The following PPP6R3 variants were observed in gnomAD, a reference collection of about 807,000 sequenced individuals.
PPP6R3 encodes serine/threonine-protein phosphatase 6 regulatory subunit 3.
A neutral mutation model predicts 110.7 loss-of-function variants in PPP6R3; 38 were observed. That is an observed-to-expected ratio of 0.34 (90% confidence interval 0.26 to 0.45). The LOEUF is 0.45. PPP6R3 is among the 20% of genes least tolerant of loss of function. The pLI is 1.00. For synonymous variants in PPP6R3, 369 were observed against 373.5 expected (o/e 0.99, Z 0.14); for missense variants, 870 against 1,062.4 (o/e 0.82, Z 2.52).
At chr11:68,462,623 T>C (rs2098716217) in intron 1 of PPP6R3, among the ~76,000 whole-genome samples, 1 of 152,198 alleles carries the variant, frequency 6.6e-6, no homozygotes, top group Non-Finnish European at 1.5e-5. Flanking sequence ...GAAATAGCTT[T>C]TGTCCTGGAG....
At chr11:68,605,194 G>A (rs144160719) in intron 22 of PPP6R3, among the ~76,000 whole-genome samples, 1,555 of 152,220 alleles carry the variant, frequency 0.01, 10 homozygotes, top group African/African-American at 0.012. Context: ...ACAAAAATTA[G>A]CTGAGTGTGG....
intron 18 of PPP6R3, among the ~76,000 whole-genome samples, chr11:68,594,850 G>C (rs1195489448): frequency 6.6e-5 from 10 of 152,200 alleles, no homozygotes; most frequent in African/African-American, 2.4e-4. Context: ...AAAACAGTAT[G>C]ATATGGGCAA....
chr11:68,528,986 G>A (rs928809834), intron 2 of PPP6R3, among the ~76,000 whole-genome samples: 1 of 152,136 alleles, frequency 6.6e-6, no homozygotes, highest in Admixed American at 6.6e-5. Context: ...TATAAACTCG[G>A]CCAGAGGTTC....
At chr11:68,582,007 C>T (rs1346463230) in intron 14 of PPP6R3, among the ~76,000 whole-genome samples, 5 of 151,930 alleles carry the variant, frequency 3.3e-5, no homozygotes, top group African/African-American at 1.2e-4. Context: ...CAAGACATAC[C>T]CTATACAGAC....
chr11:68,588,515 T>C (rs2099585744), intron 16 of PPP6R3, among the ~76,000 whole-genome samples: 1 of 151,968 alleles, frequency 6.6e-6, no homozygotes, highest in Non-Finnish European at 1.5e-5. Flanking sequence ...TGGAGTGCAG[T>C]GGCGCTATCT....
At chr11:68,556,511 GT>G (rs1405102128) in intron 7 of PPP6R3, among the ~76,000 whole-genome samples, 1 of 137,824 alleles carries the variant, frequency 7.3e-6, no homozygotes, top group East Asian at 2.2e-4. Flanking sequence ...GAGCCAGTTG[GT>G]TTTTTGTAAG....
rs144161046 is a variant in PPP6R3 at position 68,555,525 on chromosome 11, A to G, written c.731+1268A>G. Among the ~76,000 whole-genome samples the G allele has an allele frequency of 4.0e-3, 611 of 152,330 alleles. 3 individuals are homozygous for G. Among genetic ancestry groups the G allele is most frequent in the Non-Finnish European group, 7.1e-3 (483 of 68,028 alleles). ...GGTGCTTGATAGCCACATGTAGTGA[A>G]TGGCTCCCATAGTAGACAGTGCAGG... On this transcript the variant is annotated intron_variant, in intron 7 of 23. Transcript: ENST00000393800.
At chr11:68,596,244 G>C in intron 19 of PPP6R3, 26 bp downstream of exon 19, 1 of 1,613,952 alleles carries the variant, frequency 6.2e-7, no homozygotes, top group Non-Finnish European at 8.5e-7. Context: ...CTTCAGATCA[G>C]CTGCCCTGTG....
intron 1 of PPP6R3, among the ~76,000 whole-genome samples, chr11:68,500,015 T>C (rs2099039838): frequency 6.6e-6 from 1 of 152,190 alleles, no homozygotes; most frequent in Admixed American, 6.6e-5. Context: ...CTATTAAATC[T>C]TTTTTTCTTT....
At chr11:68,599,880 T>C (rs1172048422) in intron 19 of PPP6R3, among the ~76,000 whole-genome samples, 1 of 151,760 alleles carries the variant, frequency 6.6e-6, no homozygotes, top group East Asian at 1.9e-4. Context: ...TCCCAGCACT[T>C]TGGGAGGCCA....
intron 1 of PPP6R3, among the ~76,000 whole-genome samples, chr11:68,464,522 T>A (rs2098732353): frequency 6.6e-6 from 1 of 152,208 alleles, no homozygotes; most frequent in Non-Finnish European, 1.5e-5. Flanking sequence ...AGGGACTGTT[T>A]GTGAGTTAAG....
intron 14 of PPP6R3, 128 bp from the exon 15 acceptor site, chr11:68,582,915 G>A: frequency 1.3e-6 from 1 of 761,642 alleles, no homozygotes; most frequent in Non-Finnish European, 2.1e-6. Context: ...GCTTAACTGT[G>A]ACTGACTTTC....
intron 1 of PPP6R3, among the ~76,000 whole-genome samples, chr11:68,517,446 A>G (rs563145039): frequency 6.6e-6 from 1 of 152,278 alleles, no homozygotes; most frequent in African/African-American, 2.4e-5. Context: ...TTTAAATTAC[A>G]TCCCCCACTA....
intron 3 of PPP6R3, among the ~76,000 whole-genome samples, chr11:68,542,455 G>A (rs998503692): frequency 2.9e-5 from 4 of 136,872 alleles, no homozygotes; most frequent in Non-Finnish European, 3.1e-5. Context: ...GTGCAGTGGC[G>A]CAGTCACAGC....
At chr11:68,548,841 T>C (rs1434882486) in intron 5 of PPP6R3, among the ~76,000 whole-genome samples, 1 of 152,070 alleles carries the variant, frequency 6.6e-6, no homozygotes, top group Non-Finnish European at 1.5e-5. Flanking sequence ...AAATAAGGTT[T>C]CTCCCAGGCT....
chr11:68,464,883 CTT>C (rs35642999), intron 1 of PPP6R3, among the ~76,000 whole-genome samples: 6 of 140,108 alleles, frequency 4.3e-5, no homozygotes, highest in Non-Finnish European at 7.8e-5. Flanking sequence ...CCAGCTTCAA[CTT>C]TTTTTTTTTT....
At chr11:68,549,197 C>T (rs1195981890) in intron 5 of PPP6R3, among the ~76,000 whole-genome samples, 1 of 152,308 alleles carries the variant, frequency 6.6e-6, no homozygotes, top group East Asian at 1.9e-4. Context: ...GGTCCCCCTC[C>T]CTTTCTTCCC....
At chr11:68,538,417 C>T (rs2099282581) in intron 3 of PPP6R3, among the ~76,000 whole-genome samples, 1 of 152,192 alleles carries the variant, frequency 6.6e-6, no homozygotes, top group Non-Finnish European at 1.5e-5. Context: ...ATCACTGTAA[C>T]ACTTTTTCTA....
rs533831285 is a variant in PPP6R3, at chr11:68,544,943, A to T, written c.333A>T (p.Leu111=). ...SLLMKLYSFL[L]NDSPLNPLLA... is the part of the protein sequence containing the mutation. ...TAATGAAATTATATAGCTTCCTCCT[A>T]AACGATTCCCCTTTGAATCCACTAC... Residue 111 remains leucine (L), a synonymous_variant, in exon 4 of 24, where the codon CTA becomes CTT. Coordinates refer to ENST00000393800, the MANE Select transcript of PPP6R3 (RefSeq NM_001164161.2). 1.2e-6 allele frequency: 2 copies of T among 1,606,584 alleles called. No individual in the cohort carries two copies. The highest frequency in any genetic ancestry group is 2.7e-5 in the African/African-American group (2 of 74,854).
Sources: allele counts gnomAD v4.1 joint callset (sites outside exome capture counted in the v4.1 genomes callset), GRCh38; gene constraint gnomAD v4.1.1; transcripts MANE v1.5; gene names NCBI Gene and HGNC (gene_info 2026-07-23, HGNC 2026-07-21).